STXBP5L: variants seen among roughly 807,000 people sequenced by gnomAD.
STXBP5L encodes the protein syntaxin binding protein 5L, also known as syntaxin-binding protein 5-like.
A neutral mutation model predicts 144.5 loss-of-function variants in STXBP5L; 65 were observed. The observed-to-expected ratio is 0.45, with a 90% CI of 0.37 to 0.55. The LOEUF is 0.55. STXBP5L is among the 20% of genes least tolerant of loss of function. STXBP5L has a pLI of 0.00. For missense variants in STXBP5L, 1,298 were observed against 1,405.5 expected (o/e 0.92, Z 1.22); for synonymous variants, 505 against 469.6 (o/e 1.08, Z -0.97).
At chr3:121,287,327 T>C (rs1442401982) in intron 19 of STXBP5L, among the ~76,000 whole-genome samples, 2 of 152,190 alleles carry the variant, frequency 1.3e-5, no homozygotes, top group African/African-American at 4.8e-5. Flanking sequence ...TGATTGTCTA[T>C]GAAGAAAACT....
chr3:121,157,378 A>G, intron 8 of STXBP5L, 126 bp from the exon 9 acceptor site: 1 of 1,042,780 alleles, frequency 9.6e-7, no homozygotes, highest in Non-Finnish European at 1.3e-6. Context: ...GGGTCAGAAA[A>G]ATTATGTTTT....
intron 18 of STXBP5L, among the ~76,000 whole-genome samples, chr3:121,268,855 C>A (rs926766453): frequency 2.6e-5 from 4 of 152,046 alleles, no homozygotes; most frequent in African/African-American, 9.7e-5. Context: ...CTAGCTTTTC[C>A]AAAAGGCTTT....
At chr3:121,146,616 G>T (rs1202063099) in intron 7 of STXBP5L, among the ~76,000 whole-genome samples, 1 of 147,018 alleles carries the variant, frequency 6.8e-6, no homozygotes, top group Non-Finnish European at 1.5e-5. Flanking sequence ...TAAACTTACA[G>T]ATGTAGAAAA....
Position 121,059,254 on chromosome 3 carries a change from GT to G in STXBP5L, c.470+13720del, listed in dbSNP as rs60750037. On this transcript the variant is annotated intron_variant, in intron 5 of 26. Coordinates refer to ENST00000471454, the MANE Select transcript of STXBP5L (RefSeq NM_001308330.2). ...AATCCTTTCCTTATTGCTTGTTTTA[GT>G]CAGGTTTGTCAAAGATCAGATGGTT... Among the ~76,000 whole-genome samples, 394 of 152,208 alleles carry G rather than the reference GT, an allele frequency of 2.6e-3. 2 individuals carry two copies. Among genetic ancestry groups the G allele is most frequent in the African/African-American group, 8.9e-3 (368 of 41,530 alleles).
intron 20 of STXBP5L, among the ~76,000 whole-genome samples, chr3:121,323,155 C>T: frequency 6.6e-6 from 1 of 152,132 alleles, no homozygotes; most frequent in East Asian, 1.9e-4. Flanking sequence ...TCTGTCCACC[C>T]TATTGATTGT....
chr3:121,112,311 G>C (rs1382891569), intron 5 of STXBP5L, among the ~76,000 whole-genome samples: 1 of 152,118 alleles, frequency 6.6e-6, no homozygotes, highest in Non-Finnish European at 1.5e-5. Context: ...CTGATTTGCA[G>C]GTTGCACAGA....
At chr3:121,058,763 A>G (rs182998616) in intron 5 of STXBP5L, among the ~76,000 whole-genome samples, 3 of 152,246 alleles carry the variant, frequency 2.0e-5, no homozygotes, top group Non-Finnish European at 4.4e-5. Context: ...TGTTGGCTAC[A>G]TAAATGTCTT....
chr3:121,041,874 G>T, intron 4 of STXBP5L, 93 bp downstream of exon 4: 5 of 811,876 alleles, frequency 6.2e-6, no homozygotes, highest in Non-Finnish European at 8.3e-6. Flanking sequence ...GATTCTAAAT[G>T]CTTAAATATA....
chr3:120,961,272 T>C (rs1462564424), intron 3 of STXBP5L, among the ~76,000 whole-genome samples: 1 of 150,158 alleles, frequency 6.7e-6, no homozygotes, highest in Non-Finnish European at 1.5e-5. Flanking sequence ...CTTTCTTTTT[T>C]TGTTTTTTTT....
intron 3 of STXBP5L, among the ~76,000 whole-genome samples, chr3:121,041,407 A>T (rs1947143680): frequency 6.6e-6 from 1 of 152,122 alleles, no homozygotes; most frequent in Admixed American, 6.6e-5. Context: ...AATCAATTAA[A>T]AAATCTTAAA....
At chr3:121,066,479 C>T (rs6808418) in intron 5 of STXBP5L, among the ~76,000 whole-genome samples, 15,006 of 151,288 alleles carry the variant, frequency 0.099, 1,180 homozygotes, top group Admixed American at 0.2. Context: ...TGTAATTTTT[C>T]CCTTTTTAAA....
intron 9 of STXBP5L, among the ~76,000 whole-genome samples, chr3:121,177,294 G>A (rs2046973506): frequency 6.6e-6 from 1 of 151,862 alleles, no homozygotes; most frequent in African/African-American, 2.4e-5. Flanking sequence ...TCTCATCAAA[G>A]AACACAATCA....
At chr3:120,923,450 C>A (rs766858983) in intron 2 of STXBP5L, among the ~76,000 whole-genome samples, 1 of 151,726 alleles carries the variant, frequency 6.6e-6, no homozygotes, top group Non-Finnish European at 1.5e-5. Context: ...AGTCTTTCTG[C>A]TTTTTTGATC....
intron 19 of STXBP5L, among the ~76,000 whole-genome samples, chr3:121,286,903 G>A (rs531594372): frequency 6.6e-6 from 1 of 152,246 alleles, no homozygotes; most frequent in South Asian, 2.1e-4. Flanking sequence ...ATAATTTCTA[G>A]ACTGTAGCAA....
chr3:121,411,332 G>C (rs367778892), intron 23 of STXBP5L, among the ~76,000 whole-genome samples: 1 of 152,116 alleles, frequency 6.6e-6, no homozygotes, highest in East Asian at 1.9e-4. Flanking sequence ...AAACCACTTT[G>C]ATAAAGGAAA....
At chr3:120,998,184 G>T (rs952228675) in intron 3 of STXBP5L, among the ~76,000 whole-genome samples, 3 of 152,082 alleles carry the variant, frequency 2.0e-5, no homozygotes, top group African/African-American at 4.8e-5. Context: ...AGACAAATGT[G>T]CCCCCTTTTA....
intron 5 of STXBP5L, among the ~76,000 whole-genome samples, chr3:121,093,457 A>G (rs1347589249): frequency 6.6e-6 from 1 of 152,074 alleles, no homozygotes; most frequent in African/African-American, 2.4e-5. Flanking sequence ...AGCTCCTGTT[A>G]TTGGTCTATT....
At chr3:121,315,900 G>T (rs991899906) in intron 19 of STXBP5L, among the ~76,000 whole-genome samples, 1 of 151,626 alleles carries the variant, frequency 6.6e-6, no homozygotes, top group African/African-American at 2.4e-5. Flanking sequence ...TACTTGAGAG[G>T]CTGAGGCAGG....
intron 18 of STXBP5L, among the ~76,000 whole-genome samples, chr3:121,263,048 C>T (rs2050436685): frequency 6.6e-6 from 1 of 152,234 alleles, no homozygotes; most frequent in Non-Finnish European, 1.5e-5. Flanking sequence ...CATGGGTCGA[C>T]AGACACCTCA....
Sources: gnomAD v4.1 joint callset for allele counts (sites outside exome capture counted in the v4.1 genomes callset) on GRCh38, gnomAD v4.1.1 for gene constraint, MANE v1.5 for transcripts, NCBI Gene and HGNC (gene_info 2026-07-23, HGNC 2026-07-21) for gene names.